CRBN: variants seen among roughly 807,000 people sequenced by gnomAD.
CRBN encodes cereblon.
CRBN carries 53 observed loss-of-function variants against 62.2 expected under a neutral mutation model. The ratio of observed to expected loss-of-function variants is 0.85; its 90% confidence interval spans 0.68 to 1.07. CRBN has a LOEUF of 1.07. Among genes scored for constraint, CRBN ranks in the 50% least tolerant of loss-of-function variants. CRBN has a pLI of 0.00. For missense variants in CRBN, 616 were observed against 531.1 expected, an observed-to-expected ratio of 1.16 and a Z score of -1.57; for synonymous variants, 208 against 176.1, an observed-to-expected ratio of 1.18 and a Z score of -1.43.
Position 3,150,687 on chromosome 3 carries a change from G to C in CRBN, c.*178C>G. On this transcript the variant is annotated 3_prime_UTR_variant, in exon 11 of 11. Transcript: ENST00000231948. The stretch of plus-strand genomic sequence containing the variant: ...CTGCCGTTCATGCTTGTTTCCTAAA[G>C]TATACTTAAAAGTTTCAAATACAGT... 1.6e-6 allele frequency: 1 copy of C among 616,976 alleles called. No individual in the cohort carries two copies. The highest frequency in any genetic ancestry group is 2.0e-5 in the South Asian group (1 of 50,502). The allele number at this position is 616,976 out of a possible 1,614,324, so 38.2% of individuals were successfully genotyped here.
intron 5 of CRBN, among the ~76,000 whole-genome samples, chr3:3,166,408 C>T (rs1005095449): frequency 3.3e-5 from 5 of 152,122 alleles, no homozygotes; most frequent in Non-Finnish European, 5.9e-5. Flanking sequence ...TCCAATAAAC[C>T]TCTTTTTTTG....
rs1372393404 is a variant in CRBN at position 3,156,255 on chromosome 3, A to C, written c.714T>G (p.Thr238=). The C allele has an allele frequency of 6.2e-7, 1 of 1,614,148 alleles. No individual in the cohort carries two copies. Among genetic ancestry groups the C allele is most frequent in the Admixed American group, 1.7e-5 (1 of 60,032 alleles). ...QKRKFHCANL[T]SWPRWLYSLY... ...AGGAATACAGCCAGCGAGGCCATGA[A>C]GTTAGATTTGCACAATGAAACTTTC... Residue 238 remains threonine (T), a synonymous_variant, in exon 6 of 11, where the codon ACT becomes ACG. Transcript: ENST00000231948.
intron 10 of CRBN, among the ~76,000 whole-genome samples, chr3:3,151,764 GAAGAT>G (rs1706568912): frequency 6.6e-6 from 1 of 152,058 alleles, no homozygotes; most frequent in African/African-American, 2.4e-5. Context: ...TTTGAAAACT[GAAGAT>G]AGTACAGCTG....
chr3:3,154,530 C>T lies in CRBN; in HGVS notation c.835+217G>A, dbSNP rs1193610384. 5.5e-6 allele frequency: 3 copies of T among 549,152 alleles called. No homozygotes were observed. The South Asian group carries it at 6.5e-5, about 12-fold the overall frequency. 34.0% of individuals were successfully genotyped at this position (549,152 alleles called of 1,614,324 possible). ...TTTGAACTTTTTATGGAAAACTTGT[C>T]TAAAATTGGAGTGCTCACAGAATAT... On this transcript the variant is annotated intron_variant, in intron 7 of 10. Coordinates refer to ENST00000231948, the MANE Select transcript of CRBN (RefSeq NM_016302.4).
In CRBN at chr3:3,150,599, C is replaced by T. The variant is rs1706456588; in HGVS notation, c.*266G>A. 1 of 370,386 alleles carries T rather than the reference C, an allele frequency of 2.7e-6. No individual in the cohort carries two copies. Among genetic ancestry groups the T allele is most frequent in the African/African-American group, 2.1e-5 (1 of 48,116 alleles). The allele number at this position is 370,386 out of a possible 1,614,324, so 22.9% of individuals were successfully genotyped here. A position where few individuals can be genotyped will look rare whatever the true frequency, so the allele number is the denominator to read the frequency against. On this transcript the variant is annotated 3_prime_UTR_variant, in exon 11 of 11. Transcript: ENST00000231948. ...GTCCCATCAATGACATGCTACCAGA[C>T]ATATCAGATTCCACAGGATAATGGC...
intron 4 of CRBN, among the ~76,000 whole-genome samples, chr3:3,171,615 G>T (rs1707618126): frequency 6.6e-6 from 1 of 152,118 alleles, no homozygotes; most frequent in South Asian, 2.1e-4. Context: ...TAAGAGCTCT[G>T]GCAATCCCAT....
chr3:3,179,528 G>A (rs1456968971), intron 1 of CRBN, 93 bp downstream of exon 1: 4 of 1,274,008 alleles, frequency 3.1e-6, no homozygotes, highest in African/African-American at 1.5e-5. Flanking sequence ...CAGGCTTGGC[G>A]CCCCCACGCC....
At chr3:3,175,717 C>T (rs1707803520) in intron 1 of CRBN, among the ~76,000 whole-genome samples, 1 of 152,126 alleles carries the variant, frequency 6.6e-6, no homozygotes, top group Middle Eastern at 3.2e-3. Context: ...CCCTACCCTC[C>T]TCTGGGCTAG....
rs760821180 is a variant in CRBN at position 3,172,798 on chromosome 3, C to T, written c.505G>A (p.Glu169Lys). Reference sequence around the variant, plus strand: ...TACCCATCTGACTGTGTTCTTAGCTCAAGGACTTTGAACCTTTGTCTTCCA... The same window carrying T: ...TACCCATCTGACTGTGTTCTTAGCTTAAGGACTTTGAACCTTTGTCTTCCA... ...AIGRQRFKVL[E>K]LRTQSDGIQQ... is the part of the protein sequence containing the mutation. The change falls in exon 4 of 11, where the codon GAG becomes AAG. Residue 169 changes from glutamate to lysine, a missense_variant. Glu to Lys is a moderately conservative substitution (Grantham distance 56, BLOSUM62 1). Coordinates refer to ENST00000231948, the MANE Select transcript of CRBN (RefSeq NM_016302.4). The T allele has an allele frequency of 2.5e-6, 4 of 1,614,032 alleles. No homozygotes were observed. The highest frequency in any genetic ancestry group is 3.4e-6 in the Non-Finnish European group (4 of 1,179,906).
intron 9 of CRBN, 76 bp from the exon 10 acceptor site, chr3:3,152,663 A>G (rs1559241254): frequency 5.2e-6 from 8 of 1,547,170 alleles, no homozygotes; most frequent in Admixed American, 1.7e-5. Flanking sequence ...AATTTTATTG[A>G]AGTTCACCAA....
In CRBN at chr3:3,150,839, G is replaced by GGT; in HGVS notation, c.*25_*26insAC. 1 of 866,496 alleles carries GGT rather than the reference G, an allele frequency of 1.2e-6. No homozygotes were observed. The highest frequency in any genetic ancestry group is 2.5e-5 in the East Asian group (1 of 40,780). The allele number at this position is 866,496 out of a possible 1,614,324, so 53.7% of individuals were successfully genotyped here. On this transcript the variant is annotated 3_prime_UTR_variant, in exon 11 of 11. Transcript: ENST00000231948. ...ATCTTAGAATATAACCAATTTGTTA[G>GGT]ATAACTTTATCTCTATCACATCTGT...
rs112398417 is a variant in CRBN, at chr3:3,153,134, T to C, written c.1016+290A>G. The C allele has an allele frequency of 1.1e-3, 412 of 370,122 alleles. 3 individuals are homozygous for C. Among genetic ancestry groups the C allele is most frequent in the African/African-American group, 7.7e-3 (374 of 48,270 alleles). The allele number at this position is 370,122 out of a possible 1,614,324, so 22.9% of individuals were successfully genotyped here. ...CTGAAGCATCTATGTTAGGGCCTAA[T>C]TGAAGACAGTCTAATATATAGATTG... On this transcript the variant is annotated intron_variant, in intron 9 of 10. Coordinates refer to ENST00000231948, the MANE Select transcript of CRBN (RefSeq NM_016302.4).
In CRBN at chr3:3,150,970, G is replaced by A. The variant is rs142752214; in HGVS notation, c.1224C>T (p.Asp408=). Residue 408 remains aspartate, a synonymous_variant, in exon 11 of 11, where the codon GAC becomes GAT. Transcript: ENST00000231948. The stretch of plus-strand genomic sequence containing the variant: ...AGCCCCAAAATTTTTGAGGTGACAT[G>A]TCTTTTTTGGTGGCCGTAAACTTCC... ...IGWKFTATKK[D]MSPQKFWGLT... The A allele has an allele frequency of 2.0e-5, 32 of 1,614,026 alleles. No homozygotes were observed. The highest frequency in any genetic ancestry group is 8.0e-5 in the African/African-American group (6 of 75,030).
intron 5 of CRBN, among the ~76,000 whole-genome samples, chr3:3,166,229 CT>C (rs1346998075): frequency 6.6e-6 from 1 of 152,044 alleles, no homozygotes; most frequent in Non-Finnish European, 1.5e-5. Context: ...CTGTGCTGTT[CT>C]TGTGATAGTG....
At chr3:3,165,775 C>T (rs572578385) in intron 5 of CRBN, among the ~76,000 whole-genome samples, 1 of 151,570 alleles carries the variant, frequency 6.6e-6, no homozygotes, top group Admixed American at 6.6e-5. Context: ...ATGCCTGTAC[C>T]CCCTGAAAAA....
At position 3,152,519 on chromosome 3, in the gene CRBN, A is replaced by G. The variant is rs1177240718; in HGVS notation, c.1085T>C (p.Val362Ala). ...CAGATTCAAGTTGCAAGCCTTATAC[A>G]CAGTAAGTGTCTCATGCACATATCC... Reference protein sequence around the residue: ...PHGYVHETLTVYKACNLNLIG... With the variant: ...PHGYVHETLTAYKACNLNLIG... The change falls in exon 10 of 11, where the codon GTG becomes GCG. Residue 362 changes from valine to alanine, a missense_variant. Coordinates refer to ENST00000231948, the MANE Select transcript of CRBN (RefSeq NM_016302.4). 3 of 1,614,094 alleles carry G rather than the reference A, an allele frequency of 1.9e-6. No homozygotes were observed. The highest frequency in any genetic ancestry group is 2.5e-6 in the Non-Finnish European group (3 of 1,179,968).
In CRBN at chr3:3,179,009, G is replaced by A. The variant is rs1477722635; in HGVS notation, c.67+612C>T. Among the ~76,000 whole-genome samples, 5 of 151,998 alleles carry A rather than the reference G, an allele frequency of 3.3e-5. No homozygotes were observed. The East Asian group carries it at 9.6e-4, about 29-fold the overall frequency. ...TAATCGTACATGCCTGAGAAAGACC[G>A]ATAGTAAGAAAAACAAAACAGAGAA... is the stretch of plus-strand genomic sequence containing the variant. On this transcript the variant is annotated intron_variant, in intron 1 of 10. Coordinates refer to ENST00000231948, the MANE Select transcript of CRBN (RefSeq NM_016302.4).
At chr3:3,153,314 A>G (rs377751577) in intron 9 of CRBN, 110 bp downstream of exon 9, 1 of 701,762 alleles carries the variant, frequency 1.4e-6, no homozygotes, top group East Asian at 2.6e-5. Flanking sequence ...TTCATTTGCT[A>G]AATGTTTGTA....
chr3:3,163,378 T>G lies in CRBN; in HGVS notation c.687+4256A>C, dbSNP rs139452606. Reference sequence around the variant, plus strand: ...AAGACAAGAGGAAAAATTCAGAGGATCTGAACCCAGGCAAATATGTGCTTC... The same window carrying G: ...AAGACAAGAGGAAAAATTCAGAGGAGCTGAACCCAGGCAAATATGTGCTTC... On this transcript the variant is annotated intron_variant, in intron 5 of 10. Coordinates refer to ENST00000231948, the MANE Select transcript of CRBN (RefSeq NM_016302.4). Among the ~76,000 whole-genome samples the G allele has an allele frequency of 2.1e-3, 325 of 152,308 alleles. 1 individual carries two copies. Among genetic ancestry groups the G allele is most frequent in the African/African-American group, 7.2e-3 (301 of 41,562 alleles).
Sources: allele counts gnomAD v4.1 joint callset (sites outside exome capture counted in the v4.1 genomes callset), GRCh38; gene constraint gnomAD v4.1.1; transcripts MANE v1.5; gene names NCBI Gene and HGNC (gene_info 2026-07-23, HGNC 2026-07-21).